Variants in LRRTM4 observed in about 807,000 individuals in gnomAD.
LRRTM4 encodes the protein leucine rich repeat transmembrane neuronal 4.
In LRRTM4, 25 loss-of-function variants were observed where a neutral mutation model predicts 47.6. The observed-to-expected ratio is 0.53, with a 90% confidence interval of 0.38 to 0.73. The LOEUF is 0.73. Ranked by LOEUF, LRRTM4 falls within the 30% of genes least tolerant of loss-of-function variation. The pLI is 0.00. For missense variants in LRRTM4, 638 were observed against 713.4 expected (o/e 0.89, Z 1.20); for synonymous variants, 311 against 269.5 (o/e 1.15, Z -1.51).
At chr2:76,823,688 A>C (rs998083391) in intron 3 of LRRTM4, among the ~76,000 whole-genome samples, 1 of 151,460 alleles carries the variant, frequency 6.6e-6, no homozygotes, top group Non-Finnish European at 1.5e-5. Context: ...GTTCTTCAAC[A>C]ACAATAAACA....
At chr2:76,887,094 C>A (rs1673100861) in intron 3 of LRRTM4, among the ~76,000 whole-genome samples, 1 of 151,452 alleles carries the variant, frequency 6.6e-6, no homozygotes, top group African/African-American at 2.4e-5. Context: ...TACGAGAATG[C>A]ACAGAAATAT....
At chr2:77,290,390 G>A (rs2104126267) in intron 3 of LRRTM4, among the ~76,000 whole-genome samples, 1 of 152,040 alleles carries the variant, frequency 6.6e-6, no homozygotes, top group Middle Eastern at 3.4e-3. Flanking sequence ...ATGGTTACCA[G>A]AGGCTGGGAA....
intron 3 of LRRTM4, among the ~76,000 whole-genome samples, chr2:77,049,413 C>T (rs1301529484): frequency 6.6e-6 from 1 of 151,428 alleles, no homozygotes; most frequent in African/African-American, 2.4e-5. Context: ...TACATTCCCA[C>T]CAACAGTGTA....
rs563702252 is a variant in LRRTM4 at position 76,922,600 on chromosome 2, T to A, written c.1552-173684A>T. On this transcript the variant is annotated intron_variant, in intron 3 of 3. Transcript: ENST00000409884. ...TGAATTCATAGAAGCAGAAAGTGGATTGATAGGTGCCAAGGGCTGGGAGGT... is the reference window on the plus strand; with the variant it reads ...TGAATTCATAGAAGCAGAAAGTGGAATGATAGGTGCCAAGGGCTGGGAGGT... 3.9e-5 allele frequency among the ~76,000 whole-genome samples: 6 copies of A among 152,024 alleles called. No homozygotes were observed. In the South Asian group the frequency reaches 1.2e-3, roughly 32 times the overall value.
chr2:76,963,716 G>A (rs543628522), intron 3 of LRRTM4, among the ~76,000 whole-genome samples: 2 of 150,702 alleles, frequency 1.3e-5, no homozygotes, highest in South Asian at 2.1e-4. Flanking sequence ...ATATTACAGG[G>A]ACATTCTCAT....
intron 3 of LRRTM4, among the ~76,000 whole-genome samples, chr2:76,824,152 C>T (rs114967582): frequency 0.026 from 3,979 of 151,570 alleles, 178 homozygotes; most frequent in African/African-American, 0.078. Flanking sequence ...ACATGCAAAT[C>T]GTGTCTTGTC....
intron 3 of LRRTM4, among the ~76,000 whole-genome samples, chr2:77,069,227 C>T (rs1244571502): frequency 1.3e-5 from 2 of 151,970 alleles, no homozygotes; most frequent in East Asian, 1.9e-4. Context: ...TCTCCCCGAC[C>T]GAGTTGGTCT....
intron 3 of LRRTM4, among the ~76,000 whole-genome samples, chr2:77,192,431 A>G (rs1212008366): frequency 6.6e-6 from 1 of 152,138 alleles, no homozygotes; most frequent in East Asian, 1.9e-4. Context: ...ATTTAAAAAA[A>G]AATTAGTATG....
Position 77,438,051 on chromosome 2 carries a change from T to A in LRRTM4, c.1551+80267A>T, listed in dbSNP as rs139756679. On this transcript the variant is annotated intron_variant, in intron 3 of 3. Transcript: ENST00000409884. Reference sequence around the variant, plus strand: ...CTAAATTTCTTTAGATTAAGGATGCTATGTTACAGAATTGTAGTGAATATA... The same window carrying A: ...CTAAATTTCTTTAGATTAAGGATGCAATGTTACAGAATTGTAGTGAATATA... Among the ~76,000 whole-genome samples the A allele has an allele frequency of 3.4e-3, 519 of 152,298 alleles. 12 individuals are homozygous for A. The highest frequency in any genetic ancestry group is 0.024 in the Admixed American group (373 of 15,296).
chr2:77,069,472 T>C (rs1680078646), intron 3 of LRRTM4, among the ~76,000 whole-genome samples: 1 of 151,788 alleles, frequency 6.6e-6, no homozygotes, highest in Non-Finnish European at 1.5e-5. Flanking sequence ...GAAGGATTTG[T>C]GGCAATTCTG....
intron 3 of LRRTM4, among the ~76,000 whole-genome samples, chr2:77,061,512 C>T (rs985367197): frequency 1.3e-5 from 2 of 152,228 alleles, no homozygotes; most frequent in South Asian, 2.1e-4. Flanking sequence ...CCTGTTGTAT[C>T]GCATCAATCT....
intron 3 of LRRTM4, among the ~76,000 whole-genome samples, chr2:77,084,070 G>T (rs1680628972): frequency 6.6e-6 from 1 of 151,970 alleles, no homozygotes; most frequent in Admixed American, 6.6e-5. Context: ...CTCCCAAAGT[G>T]CTGGGATTAC....
At chr2:77,341,144 C>T in intron 3 of LRRTM4, among the ~76,000 whole-genome samples, 1 of 151,902 alleles carries the variant, frequency 6.6e-6, no homozygotes, top group East Asian at 1.9e-4. Context: ...CTCTGCTACC[C>T]AGAGAGGGCC....
chr2:76,966,712 T>A (rs900497157), intron 3 of LRRTM4, among the ~76,000 whole-genome samples: 1 of 151,504 alleles, frequency 6.6e-6, no homozygotes, highest in Admixed American at 6.6e-5. Flanking sequence ...AATACTAGTG[T>A]CATGCTTTTA....
chr2:77,308,032 C>A (rs1281048030), intron 3 of LRRTM4, among the ~76,000 whole-genome samples: 2 of 136,458 alleles, frequency 1.5e-5, no homozygotes, highest in African/African-American at 5.4e-5. Context: ...TATTATATAT[C>A]TATATATCTA....
intron 3 of LRRTM4, among the ~76,000 whole-genome samples, chr2:77,320,712 A>G (rs926533154): frequency 1.3e-5 from 2 of 152,146 alleles, no homozygotes; most frequent in African/African-American, 4.8e-5. Context: ...TATTATACCT[A>G]TATGAGTTAT....
At chr2:77,005,910 G>A (rs1490624483) in intron 3 of LRRTM4, among the ~76,000 whole-genome samples, 2 of 152,118 alleles carry the variant, frequency 1.3e-5, no homozygotes, top group South Asian at 2.1e-4. Flanking sequence ...TTGTGTTAGT[G>A]CATAGATACT....
chr2:77,223,504 G>A lies in LRRTM4; in HGVS notation c.1551+294814C>T, dbSNP rs371849489. Among the ~76,000 whole-genome samples, 225 of 151,998 alleles carry A rather than the reference G, an allele frequency of 1.5e-3. 3 individuals are homozygous for A. In the South Asian group the frequency reaches 0.022, roughly 15 times the overall value. On this transcript the variant is annotated intron_variant, in intron 3 of 3. Transcript: ENST00000409884. ...TCTCCTTAAGCTGATAAGCAACTTC[G>A]GCAAAGTCTCAGGATACAAAATCAA...
intron 3 of LRRTM4, among the ~76,000 whole-genome samples, chr2:76,854,322 G>A (rs1672084739): frequency 6.6e-6 from 1 of 152,144 alleles, no homozygotes; most frequent in Admixed American, 6.5e-5. Context: ...TGATAATACA[G>A]ATAGTATGCT....
Sources: gnomAD v4.1 joint callset for allele counts (sites outside exome capture counted in the v4.1 genomes callset) on GRCh38, gnomAD v4.1.1 for gene constraint, MANE v1.5 for transcripts, NCBI Gene and HGNC (gene_info 2026-07-23, HGNC 2026-07-21) for gene names.